The following SNX7 variants were observed in gnomAD, a reference collection of about 807,000 sequenced individuals.
SNX7 encodes the protein sorting nexin 7.
In SNX7, 35 loss-of-function variants were observed where a neutral mutation model predicts 48.4. That is an observed-to-expected ratio of 0.72 (90% CI 0.55 to 0.96). SNX7 has a LOEUF of 0.96. Ranked by LOEUF, SNX7 falls within the 40% of genes least tolerant of loss-of-function variation. The pLI is 0.00. For synonymous variants in SNX7, 190 were observed against 190.2 expected (o/e 1.00, Z 0.01); for missense variants, 553 against 548.9 (o/e 1.01, Z -0.07).
intron 7 of SNX7, among the ~76,000 whole-genome samples, chr1:98,722,927 C>T (rs1041330331): frequency 2.6e-5 from 4 of 151,988 alleles, no homozygotes; most frequent in African/African-American, 9.7e-5. Context: ...AGAAATAAGC[C>T]TGGATTAATT....
chr1:98,698,482 A>G (rs929393294), intron 5 of SNX7, among the ~76,000 whole-genome samples: 9 of 152,112 alleles, frequency 5.9e-5, no homozygotes, highest in Non-Finnish European at 1.2e-4. Context: ...CTGAAAAGGT[A>G]TGTTATTATT....
At chr1:98,688,867 T>G (rs1001572287) in intron 2 of SNX7, among the ~76,000 whole-genome samples, 2 of 152,144 alleles carry the variant, frequency 1.3e-5, no homozygotes, top group Admixed American at 6.6e-5. Context: ...ATTTCTACAG[T>G]TTGGAAGCTT....
intron 1 of SNX7, among the ~76,000 whole-genome samples, chr1:98,664,172 A>G (rs777745982): frequency 2.4e-4 from 36 of 152,306 alleles, no homozygotes; most frequent in Admixed American, 7.2e-4. Flanking sequence ...CAAACTACAT[A>G]TTTAATTTAC....
intron 7 of SNX7, among the ~76,000 whole-genome samples, chr1:98,710,473 A>C (rs918449036): frequency 3.9e-5 from 6 of 152,144 alleles, no homozygotes; most frequent in African/African-American, 1.4e-4. Context: ...GCAACCGAAA[A>C]AGTAACAGAT....
chr1:98,667,648 C>T (rs766424222), intron 1 of SNX7, among the ~76,000 whole-genome samples: 3 of 151,928 alleles, frequency 2.0e-5, no homozygotes, highest in African/African-American at 4.8e-5. Context: ...TCCCAAAGTG[C>T]TGAGATTGCA....
At chr1:98,712,501 CT>C (rs1002877460) in intron 7 of SNX7, among the ~76,000 whole-genome samples, 22 of 152,212 alleles carry the variant, frequency 1.4e-4, no homozygotes, top group African/African-American at 5.1e-4. Context: ...TGAAAGGAAT[CT>C]TTTTTCCTGA....
intron 1 of SNX7, among the ~76,000 whole-genome samples, chr1:98,664,502 C>T (rs1649433390): frequency 6.6e-6 from 1 of 152,100 alleles, no homozygotes. Flanking sequence ...TGCATTCCCA[C>T]CTGAGTGACG....
At chr1:98,733,545 T>C (rs1321347102) in intron 7 of SNX7, among the ~76,000 whole-genome samples, 2 of 152,188 alleles carry the variant, frequency 1.3e-5, no homozygotes, top group Non-Finnish European at 2.9e-5. Context: ...GTATCAACCT[T>C]AAAGAACTAT....
chr1:98,678,797 T>C lies in SNX7; in HGVS notation c.181-6088T>C, dbSNP rs1442229784. Among the ~76,000 whole-genome samples the C allele has an allele frequency of 3.9e-5, 6 of 152,314 alleles. No homozygotes were observed. In the East Asian group the frequency reaches 1.2e-3, roughly 29 times the overall value. ...TCATATAATTAATTTGAGTCTATAG[T>C]CATATAATTAATTTAAACAAAATAT... On this transcript the variant is annotated intron_variant, in intron 1 of 8. Coordinates refer to ENST00000306121, the MANE Select transcript of SNX7 (RefSeq NM_015976.5).
chr1:98,709,757 T>C (rs1423027428), intron 7 of SNX7, among the ~76,000 whole-genome samples: 3 of 152,162 alleles, frequency 2.0e-5, no homozygotes, highest in Admixed American at 6.6e-5. Context: ...ACTAGACTAT[T>C]GAGAGCCCCA....
At chr1:98,676,159 A>G (rs1570495037) in intron 1 of SNX7, among the ~76,000 whole-genome samples, 2 of 151,692 alleles carry the variant, frequency 1.3e-5, no homozygotes, top group African/African-American at 4.8e-5. Context: ...ATACACACAC[A>G]TTGGAATCTG....
intron 7 of SNX7, among the ~76,000 whole-genome samples, chr1:98,721,997 A>T (rs2101007728): frequency 6.6e-6 from 1 of 152,140 alleles, no homozygotes; most frequent in African/African-American, 2.4e-5. Context: ...GAAGATTCTG[A>T]GGAGATCTCT....
intron 8 of SNX7, among the ~76,000 whole-genome samples, chr1:98,749,498 G>A (rs987334094): frequency 1.3e-5 from 2 of 152,044 alleles, no homozygotes; most frequent in African/African-American, 4.8e-5. Flanking sequence ...TTATTTTTAA[G>A]TTATTGGTAT....
chr1:98,687,819 G>A (rs183829062), intron 2 of SNX7, among the ~76,000 whole-genome samples: 59 of 152,222 alleles, frequency 3.9e-4, no homozygotes, highest in African/African-American at 1.3e-3. Context: ...AAGCAAGGGG[G>A]AAGCAAGACA....
intron 1 of SNX7, among the ~76,000 whole-genome samples, chr1:98,678,718 A>G (rs1434261337): frequency 6.6e-6 from 1 of 152,210 alleles, no homozygotes. Context: ...AAAATAAATT[A>G]TGATGTTAAT....
rs142913173 is a variant in SNX7, at chr1:98,748,110, A to G, written c.1278+9721A>G. Reference sequence around the variant, plus strand: ...TCCTGCCTCAGCCTCCTAAGTAACCAAGTAGCTGGGATTACAGGCACCTGC... The same window carrying G: ...TCCTGCCTCAGCCTCCTAAGTAACCGAGTAGCTGGGATTACAGGCACCTGC... On this transcript the variant is annotated intron_variant, in intron 8 of 8. Coordinates refer to ENST00000306121, the MANE Select transcript of SNX7 (RefSeq NM_015976.5). 6.1e-3 allele frequency among the ~76,000 whole-genome samples: 917 copies of G among 151,030 alleles called. 13 individuals carry two copies. The highest frequency in any genetic ancestry group is 0.021 in the African/African-American group (878 of 41,156).
At chr1:98,727,717 C>T (rs1653262258) in intron 7 of SNX7, among the ~76,000 whole-genome samples, 1 of 151,762 alleles carries the variant, frequency 6.6e-6, no homozygotes, top group African/African-American at 2.4e-5. Flanking sequence ...CTGAAAAATG[C>T]CACATGAGAA....
chr1:98,715,814 A>G (rs1253152668), intron 7 of SNX7, among the ~76,000 whole-genome samples: 1 of 152,136 alleles, frequency 6.6e-6, no homozygotes, highest in Non-Finnish European at 1.5e-5. Context: ...TATGTTTAGA[A>G]TACAATATCT....
At chr1:98,718,802 G>T (rs563057281) in intron 7 of SNX7, among the ~76,000 whole-genome samples, 1 of 152,080 alleles carries the variant, frequency 6.6e-6, no homozygotes, top group African/African-American at 2.4e-5. Flanking sequence ...AATTCGTGTG[G>T]TAATACACTC....
Sources: gnomAD v4.1 joint callset for allele counts (sites outside exome capture counted in the v4.1 genomes callset) on GRCh38, gnomAD v4.1.1 for gene constraint, MANE v1.5 for transcripts, NCBI Gene and HGNC (gene_info 2026-07-23, HGNC 2026-07-21) for gene names.